TOX2: variants seen among roughly 807,000 people sequenced by gnomAD.
TOX2 encodes the protein TOX high mobility group box family member 2.
Under a neutral mutation model 47.4 loss-of-function variants are expected in TOX2, and 15 were observed. That is an observed-to-expected ratio of 0.32 (90% CI 0.21 to 0.49). The LOEUF (loss-of-function observed/expected upper bound fraction) is 0.49. Among genes scored for constraint, TOX2 ranks in the 20% least tolerant of loss-of-function variants. TOX2 has a pLI of 0.99. For synonymous variants in TOX2, 290 were observed against 296.6 expected (o/e 0.98, Z 0.23); for missense variants, 622 against 673.1 (o/e 0.92, Z 0.84).
chr20:44,060,215 A>G (rs753477921), intron 5 of TOX2, among the ~76,000 whole-genome samples: 1 of 152,220 alleles, frequency 6.6e-6, no homozygotes, highest in Non-Finnish European at 1.5e-5. Context: ...TCCTAAATTT[A>G]TATGCATCTA....
Position 43,950,447 on chromosome 20 carries a change from C to T in TOX2, c.100-22920C>T, listed in dbSNP as rs1162741833. On this transcript the variant is annotated intron_variant, in intron 1 of 8. Coordinates refer to ENST00000341197, the MANE Select transcript of TOX2 (RefSeq NM_001098797.2). The stretch of plus-strand genomic sequence containing the variant: ...GGTAATCTCAGTGCCATCTGTGGGG[C>T]ACACTCCATCCCCAGTTGCCTCTCT... Among the ~76,000 whole-genome samples, 6 of 152,272 alleles carry T rather than the reference C, an allele frequency of 3.9e-5. No individual in the cohort carries two copies. In the South Asian group the frequency reaches 8.3e-4, roughly 21 times the overall value.
chr20:44,044,422 T>TAA (rs3037502), intron 3 of TOX2, among the ~76,000 whole-genome samples: 3 of 143,530 alleles, frequency 2.1e-5, no homozygotes, highest in African/African-American at 7.8e-5. Context: ...ACTTAAAGCA[T>TAA]AAAAAAAAAA....
chr20:44,064,863 A>G lies in TOX2; in HGVS notation c.960+6A>G, dbSNP rs1229728538. On this transcript the variant is annotated splice_donor_region_variant and intron_variant, in intron 6 of 8. Coordinates refer to ENST00000341197, the MANE Select transcript of TOX2 (RefSeq NM_001098797.2). ...GGGCTAGCCTCGTCTCCAAGGTAAC[A>G]CCCGGAATCTCCAGGCACAGCCCTG... 3 of 1,613,504 alleles carry G rather than the reference A, an allele frequency of 1.9e-6. No individual in the cohort carries two copies. The highest frequency in any genetic ancestry group is 2.5e-6 in the Non-Finnish European group (3 of 1,179,598).
At chr20:44,011,339 A>C (rs1413495405) in intron 3 of TOX2, among the ~76,000 whole-genome samples, 2 of 152,166 alleles carry the variant, frequency 1.3e-5, no homozygotes, top group African/African-American at 4.8e-5. Context: ...CTTGTGATCT[A>C]CAAGATGCCC....
chr20:44,000,382 G>A (rs2070554421), intron 2 of TOX2, among the ~76,000 whole-genome samples: 1 of 152,218 alleles, frequency 6.6e-6, no homozygotes, highest in Non-Finnish European at 1.5e-5. Context: ...TAGGATGTGA[G>A]AGGAAGAGAG....
intron 1 of TOX2, among the ~76,000 whole-genome samples, chr20:43,921,574 G>C (rs2069113138): frequency 6.6e-6 from 1 of 152,168 alleles, no homozygotes; most frequent in Non-Finnish European, 1.5e-5. Flanking sequence ...CAGCCCAACT[G>C]AAAGTTAAAA....
intron 3 of TOX2, among the ~76,000 whole-genome samples, chr20:44,020,568 G>A (rs1438868302): frequency 2.0e-5 from 3 of 152,252 alleles, no homozygotes; most frequent in Admixed American, 6.5e-5. Flanking sequence ...CCCAGCAGGG[G>A]ATCCAGCAAG....
At chr20:44,062,564 T>G (rs981241457) in intron 5 of TOX2, among the ~76,000 whole-genome samples, 2 of 152,060 alleles carry the variant, frequency 1.3e-5, no homozygotes, top group African/African-American at 2.4e-5. Flanking sequence ...AAAATGACCA[T>G]ACTGCCAAAA....
At chr20:43,946,037 A>C (rs1267794680) in intron 1 of TOX2, 1 of 1,613,710 alleles carries the variant, frequency 6.2e-7, no homozygotes, top group African/African-American at 1.3e-5. Flanking sequence ...TTTCCGCAGA[A>C]GGTAAGCAGC....
Position 43,915,623 on chromosome 20 carries a change from C to A in TOX2, c.99+633C>A, listed in dbSNP as rs1337041093. 1.3e-5 allele frequency among the ~76,000 whole-genome samples: 2 copies of A among 152,134 alleles called. No homozygotes were observed. Among genetic ancestry groups the A allele is most frequent in the African/African-American group, 4.8e-5 (2 of 41,426 alleles). On this transcript the variant is annotated intron_variant, in intron 1 of 8. Coordinates refer to ENST00000341197, the MANE Select transcript of TOX2 (RefSeq NM_001098797.2). The surrounding 1 kb of genome is among the most constrained non-coding windows in gnomAD (Gnocchi z 7.1). ...CCACACAGTCACACGCGGTCACACC[C>A]AGGGACGGCCACACCTCGGTCATCC...
intron 3 of TOX2, among the ~76,000 whole-genome samples, chr20:44,048,388 T>TTATATAATATATATATATATATATATA (rs2071448837): frequency 1.2e-5 from 1 of 86,872 alleles, no homozygotes; most frequent in African/African-American, 4.5e-5. Context: ...TAAAATGAAT[T>TTATATAATATATATATATATATATATA]TATATATATA....
chr20:43,961,563 C>T (rs945627749), intron 1 of TOX2, among the ~76,000 whole-genome samples: 4 of 151,262 alleles, frequency 2.6e-5, no homozygotes, highest in African/African-American at 9.7e-5. Context: ...AATGAGTGAA[C>T]GAATGAGGGA....
intron 3 of TOX2, among the ~76,000 whole-genome samples, chr20:44,035,961 G>T (rs553586067): frequency 6.6e-6 from 1 of 152,232 alleles, no homozygotes; most frequent in Non-Finnish European, 1.5e-5. Context: ...GCTAGGATGC[G>T]CCTTCTGAGA....
chr20:43,999,978 G>C (rs1195089531), intron 2 of TOX2, among the ~76,000 whole-genome samples: 1 of 152,236 alleles, frequency 6.6e-6, no homozygotes, highest in Non-Finnish European at 1.5e-5. Flanking sequence ...ACAGCAGGCT[G>C]TGTGGATATT....
intron 3 of TOX2, among the ~76,000 whole-genome samples, chr20:44,027,446 G>T (rs1400938518): frequency 2.6e-5 from 4 of 152,138 alleles, no homozygotes; most frequent in Non-Finnish European, 5.9e-5. Flanking sequence ...CGCCTCCACT[G>T]CCCCATCCCA....
chr20:43,933,480 AAGGGCT>A (rs58360948), intron 1 of TOX2, among the ~76,000 whole-genome samples: 2,427 of 152,284 alleles, frequency 0.016, 29 homozygotes, highest in Middle Eastern at 0.024. Context: ...CATTTCTAAC[AAGGGCT>A]AGATGTTGCT....
intron 3 of TOX2, chr20:44,039,272 C>G (rs1314376671): frequency 1.0e-5 from 13 of 1,289,372 alleles, no homozygotes; most frequent in Non-Finnish European, 1.0e-5. Flanking sequence ...GGTGTCCAGT[C>G]TAGAGAGAAG....
intron 1 of TOX2, among the ~76,000 whole-genome samples, chr20:43,936,637 C>G (rs911959120): frequency 6.6e-6 from 1 of 152,180 alleles, no homozygotes; most frequent in Admixed American, 6.5e-5. Context: ...ACCTCCTGTC[C>G]TCCAGCAGGC....
chr20:43,968,098 T>TCTGC (rs2069892277), intron 1 of TOX2, among the ~76,000 whole-genome samples: 2 of 152,220 alleles, frequency 1.3e-5, no homozygotes, highest in Non-Finnish European at 2.9e-5. Flanking sequence ...CCGTCCGTCA[T>TCTGC]CTGCCGATCA....
Sources: allele counts gnomAD v4.1 joint callset (sites outside exome capture counted in the v4.1 genomes callset), GRCh38; gene constraint gnomAD v4.1.1; non-coding constraint Gnocchi (gnomAD v3.1); transcripts MANE v1.5; gene names NCBI Gene and HGNC (gene_info 2026-07-23, HGNC 2026-07-21).